Variants in CERS6 observed in about 807,000 individuals in gnomAD.
CERS6 encodes LAG1 homolog, ceramide synthase 6.
CERS6 carries 26 observed loss-of-function variants against 56.8 expected under a neutral mutation model. The ratio of observed to expected loss-of-function variants is 0.46; its 90% CI spans 0.34 to 0.63. The LOEUF (loss-of-function observed/expected upper bound fraction) is 0.63. CERS6 is among the 30% of genes least tolerant of loss of function. CERS6 has a pLI of 0.01. For missense variants in CERS6, 415 were observed against 467.5 expected, an observed-to-expected ratio of 0.89 and a Z score of 1.04; for synonymous variants, 164 against 173.3, an observed-to-expected ratio of 0.95 and a Z score of 0.42.
intron 8 of CERS6, among the ~76,000 whole-genome samples, chr2:168,722,838 C>T (rs1396454767): frequency 1.3e-5 from 2 of 152,154 alleles, no homozygotes; most frequent in African/African-American, 2.4e-5. Flanking sequence ...GGATGCAACC[C>T]TCCCACACAC....
intron 8 of CERS6, among the ~76,000 whole-genome samples, chr2:168,749,925 G>A (rs1474447469): frequency 6.6e-6 from 1 of 152,222 alleles, no homozygotes; most frequent in Non-Finnish European, 1.5e-5. Context: ...GGGCAGTTTT[G>A]CAGTCATATT....
At chr2:168,539,824 A>T (rs1324722517) in intron 1 of CERS6, among the ~76,000 whole-genome samples, 1 of 152,056 alleles carries the variant, frequency 6.6e-6, no homozygotes, top group Non-Finnish European at 1.5e-5. Context: ...ATTTTTACTT[A>T]TGCATAGGTT....
chr2:168,620,909 C>T (rs1043328767), intron 3 of CERS6, among the ~76,000 whole-genome samples: 2 of 151,946 alleles, frequency 1.3e-5, no homozygotes, highest in Non-Finnish European at 2.9e-5. Context: ...ATTACAGGCA[C>T]ATGTCACCAA....
At chr2:168,591,147 T>C (rs2105403130) in intron 3 of CERS6, among the ~76,000 whole-genome samples, 1 of 152,348 alleles carries the variant, frequency 6.6e-6, no homozygotes, top group East Asian at 1.9e-4. Flanking sequence ...GTGTATATTT[T>C]CCCCCTGTAT....
At chr2:168,529,046 C>T (rs1386400577) in intron 1 of CERS6, among the ~76,000 whole-genome samples, 1 of 152,176 alleles carries the variant, frequency 6.6e-6, no homozygotes, top group Non-Finnish European at 1.5e-5. Context: ...GGAGACCAAG[C>T]CATCATGAGG....
chr2:168,631,827 A>G (rs1325655155), intron 4 of CERS6, among the ~76,000 whole-genome samples: 1 of 131,336 alleles, frequency 7.6e-6, no homozygotes, highest in Non-Finnish European at 1.5e-5. Context: ...TATATATTAT[A>G]TAATATATAT....
chr2:168,699,747 A>G (rs977197775), intron 6 of CERS6, among the ~76,000 whole-genome samples: 13 of 152,172 alleles, frequency 8.5e-5, no homozygotes, highest in African/African-American at 2.4e-5. Flanking sequence ...AATACTATTA[A>G]TCTTCCCAAA....
intron 4 of CERS6, among the ~76,000 whole-genome samples, chr2:168,653,182 C>T (rs6707065): frequency 2.0e-5 from 3 of 151,952 alleles, no homozygotes; most frequent in Admixed American, 6.6e-5. Flanking sequence ...CAGGTCCCTC[C>T]GAAGAAAAAT....
chr2:168,589,451 C>T (rs1487622062), intron 3 of CERS6, among the ~76,000 whole-genome samples: 1 of 152,162 alleles, frequency 6.6e-6, no homozygotes, highest in African/African-American at 2.4e-5. Flanking sequence ...AGCTCCTACT[C>T]CCCTTCTCTG....
chr2:168,494,049 A>G (rs982491510), intron 1 of CERS6, among the ~76,000 whole-genome samples: 1 of 151,998 alleles, frequency 6.6e-6, no homozygotes, highest in Admixed American at 6.6e-5. Flanking sequence ...ATTATTCGTT[A>G]TTTTCCAGTG....
At chr2:168,468,949 C>T (rs1693930475) in intron 1 of CERS6, among the ~76,000 whole-genome samples, 2 of 152,116 alleles carry the variant, frequency 1.3e-5, no homozygotes, top group Admixed American at 6.5e-5. Flanking sequence ...AACATTTTTC[C>T]TAATAAGAGC....
rs79467716 is a variant in CERS6 at position 168,547,824 on chromosome 2, G to A, written c.276+123G>A. The A allele has an allele frequency of 8.2e-3, 5,536 of 678,298 alleles. 38 individuals carry two copies. Among genetic ancestry groups the A allele is most frequent in the Non-Finnish European group, 0.012 (4,343 of 376,902 alleles). 42.0% of individuals were successfully genotyped at this position (678,298 alleles called of 1,614,324 possible). A position where few individuals can be genotyped will look rare whatever the true frequency, so the allele number is the denominator to read the frequency against. On this transcript the variant is annotated intron_variant, in intron 2 of 9. Transcript: ENST00000305747. Reference sequence around the variant, plus strand: ...TTTGCCTAGCCTTATGCTGGAGAACGTGTTGTCAGAAGGAATGCAAGCGTA... The same window carrying A: ...TTTGCCTAGCCTTATGCTGGAGAACATGTTGTCAGAAGGAATGCAAGCGTA...
At chr2:168,725,973 A>G (rs1283935431) in intron 8 of CERS6, among the ~76,000 whole-genome samples, 1 of 152,178 alleles carries the variant, frequency 6.6e-6, no homozygotes, top group African/African-American at 2.4e-5. Flanking sequence ...TCTCTCTCTT[A>G]TAGTCCACTT....
chr2:168,556,900 A>C (rs1447421369), intron 2 of CERS6, among the ~76,000 whole-genome samples: 2 of 148,820 alleles, frequency 1.3e-5, no homozygotes, highest in African/African-American at 4.9e-5. Flanking sequence ...CACACCTGTA[A>C]TCTCAGCACT....
In CERS6 at chr2:168,574,370, T is replaced by TTGTGTG. The variant is rs59913751; in HGVS notation, c.407+13088_407+13093dup. On this transcript the variant is annotated intron_variant, in intron 3 of 9. Transcript: ENST00000305747. The stretch of plus-strand genomic sequence containing the variant: ...CAATACTTACGTGGCTCAATAAGTT[T>TTGTGTG]TGTGTGTGTGTGTGTGTGTGTGTGT... Among the ~76,000 whole-genome samples the TTGTGTG allele has an allele frequency of 4.6e-3, 687 of 148,764 alleles. 7 individuals carry two copies. Among genetic ancestry groups the TTGTGTG allele is most frequent in the African/African-American group, 0.016 (620 of 39,980 alleles).
chr2:168,691,270 G>C (rs534137717), intron 5 of CERS6, among the ~76,000 whole-genome samples, 186 bp downstream of exon 5: 2 of 152,288 alleles, frequency 1.3e-5, no homozygotes, highest in Admixed American at 6.5e-5. Flanking sequence ...GTGAAGTTCA[G>C]AATCAAGGCC....
At chr2:168,724,978 ACAGGAG>A (rs1465203489) in intron 8 of CERS6, among the ~76,000 whole-genome samples, 1 of 152,136 alleles carries the variant, frequency 6.6e-6, no homozygotes, top group Non-Finnish European at 1.5e-5. Flanking sequence ...CTCCGTCCCC[ACAGGAG>A]CCCACGGAGG....
At chr2:168,581,602 T>C in intron 3 of CERS6, among the ~76,000 whole-genome samples, 1 of 152,280 alleles carries the variant, frequency 6.6e-6, no homozygotes, top group South Asian at 2.1e-4. Flanking sequence ...GGTTAATATA[T>C]ATTTTTATTT....
chr2:168,543,165 A>G (rs1261756921), intron 1 of CERS6, among the ~76,000 whole-genome samples: 2 of 152,204 alleles, frequency 1.3e-5, no homozygotes, highest in Non-Finnish European at 2.9e-5. Context: ...TGAGACTAGT[A>G]TTTTTCAAAG....
Sources: allele counts gnomAD v4.1 joint callset (sites outside exome capture counted in the v4.1 genomes callset), GRCh38; gene constraint gnomAD v4.1.1; transcripts MANE v1.5; gene names NCBI Gene and HGNC (gene_info 2026-07-23, HGNC 2026-07-21).